The following PEAK1 variants were observed in gnomAD, a reference collection of about 807,000 sequenced individuals.
The protein encoded by PEAK1 is pseudopodium enriched atypical kinase 1, also known as inactive tyrosine-protein kinase PEAK1.
In PEAK1, 54 loss-of-function variants were observed where a neutral mutation model predicts 124.7. The observed-to-expected ratio is 0.43, with a 90% confidence interval of 0.35 to 0.54. The LOEUF is 0.54. Ranked by LOEUF, PEAK1 falls within the 20% of genes least tolerant of loss-of-function variation. PEAK1 has a pLI of 0.01. For synonymous variants in PEAK1, 719 were observed against 760.0 expected (o/e 0.95, Z 0.89); for missense variants, 2,046 against 2,134.5 (o/e 0.96, Z 0.82).
At chr15:77,411,956 A>G (rs1050037740) in intron 1 of PEAK1, among the ~76,000 whole-genome samples, 1 of 152,170 alleles carries the variant, frequency 6.6e-6, no homozygotes, top group Admixed American at 6.5e-5. Context: ...TTCTACTGCT[A>G]TTCTCTTTTT....
At chr15:77,244,420 C>G (rs1240104401) in intron 6 of PEAK1, among the ~76,000 whole-genome samples, 1 of 152,136 alleles carries the variant, frequency 6.6e-6, no homozygotes, top group Non-Finnish European at 1.5e-5. Flanking sequence ...CAGAATACTC[C>G]AGCCTTTACT....
chr15:77,232,005 A>G (rs1044250234), intron 6 of PEAK1, among the ~76,000 whole-genome samples: 1 of 152,174 alleles, frequency 6.6e-6, no homozygotes, highest in Non-Finnish European at 1.5e-5. Flanking sequence ...ACCCAAAGCA[A>G]TTGTGAAGGT....
At chr15:77,302,545 T>C (rs1039570290) in intron 2 of PEAK1, among the ~76,000 whole-genome samples, 15 of 152,204 alleles carry the variant, frequency 9.9e-5, no homozygotes, top group African/African-American at 3.6e-4. Flanking sequence ...TTGTTCCCCA[T>C]GGGACAGAAC....
intron 6 of PEAK1, among the ~76,000 whole-genome samples, chr15:77,199,453 G>A (rs557348911): frequency 1.3e-5 from 2 of 152,142 alleles, no homozygotes; most frequent in Admixed American, 1.3e-4. Flanking sequence ...TTGTGAAAGA[G>A]AGCTCTGATA....
chr15:77,342,107 C>T (rs1270065299), intron 2 of PEAK1, among the ~76,000 whole-genome samples: 3 of 150,534 alleles, frequency 2.0e-5, no homozygotes, highest in Non-Finnish European at 4.4e-5. Flanking sequence ...ACAAAACAAC[C>T]ATTTAATGAA....
chr15:77,238,383 C>T (rs886352482), intron 6 of PEAK1, among the ~76,000 whole-genome samples: 14 of 152,000 alleles, frequency 9.2e-5, no homozygotes, highest in African/African-American at 2.9e-4. Flanking sequence ...TTTTGAATTG[C>T]TAACTTCAAA....
At chr15:77,415,502 C>T (rs568000611) in intron 1 of PEAK1, among the ~76,000 whole-genome samples, 99 of 152,258 alleles carry the variant, frequency 6.5e-4, no homozygotes, top group Non-Finnish European at 7.1e-4. Flanking sequence ...TTCAAGCGAT[C>T]CTCCTGCCCC....
rs780185098 is a variant in PEAK1 at position 77,114,278 on chromosome 15, C to A, written c.5119G>T (p.Ala1707Ser). The change falls in exon 10 of 10, where the codon GCT becomes TCT. Residue 1707 changes from alanine (A) to serine (S), a missense_variant. Coordinates refer to ENST00000682557, the MANE Select transcript of PEAK1 (RefSeq NM_001385026.1). ...IKRTLLMIKF[A>S]EKSLDREGGI... ...CCTTCCCTGTCCAGGGACTTCTCAG[C>A]AAACTTGATCATGAGCAGTGTTCGC... 6.2e-7 allele frequency: 1 copy of A among 1,614,244 alleles called. No homozygotes were observed. The highest frequency in any genetic ancestry group is 8.5e-7 in the Non-Finnish European group (1 of 1,180,044).
At chr15:77,348,565 A>C (rs1215424711) in intron 2 of PEAK1, 1 of 968,108 alleles carries the variant, frequency 1.0e-6, no homozygotes, top group Non-Finnish European at 1.2e-6. Flanking sequence ...AGCTTAAGTG[A>C]CCAGCCCAGA....
At chr15:77,226,337 A>ACAGGGTTTTTTTTT (rs2059675066) in intron 6 of PEAK1, among the ~76,000 whole-genome samples, 1 of 151,608 alleles carries the variant, frequency 6.6e-6, no homozygotes, top group Non-Finnish European at 1.5e-5. Flanking sequence ...ACATATAAAG[A>ACAGGGTTTTTTTTT]TGAAGTTGCC....
chr15:77,355,525 C>T (rs1408055814), intron 2 of PEAK1, among the ~76,000 whole-genome samples: 1 of 152,142 alleles, frequency 6.6e-6, no homozygotes, highest in African/African-American at 2.4e-5. Flanking sequence ...TTTGGCCCCG[C>T]CTACTCAAAA....
rs565463816 is a variant in PEAK1, at chr15:77,408,718, C to T, written c.-666+11288G>A. 6.6e-5 allele frequency among the ~76,000 whole-genome samples: 10 copies of T among 152,198 alleles called. No individual in the cohort carries two copies. In the South Asian group the frequency reaches 8.3e-4, roughly 13 times the overall value. ...AATAAAATCTACAAATATTGTAGCACGCCTAGAAAGAAGGCAGTTTTTCAG... is the reference window on the plus strand; with the variant it reads ...AATAAAATCTACAAATATTGTAGCATGCCTAGAAAGAAGGCAGTTTTTCAG... On this transcript the variant is annotated intron_variant, in intron 1 of 9. Coordinates refer to ENST00000682557, the MANE Select transcript of PEAK1 (RefSeq NM_001385026.1).
At chr15:77,320,027 T>C (rs544007633) in intron 2 of PEAK1, among the ~76,000 whole-genome samples, 1 of 152,324 alleles carries the variant, frequency 6.6e-6, no homozygotes, top group East Asian at 1.9e-4. Context: ...AAATTTACTT[T>C]TGTTTTTCTC....
intron 2 of PEAK1, among the ~76,000 whole-genome samples, chr15:77,357,544 A>C (rs1308414850): frequency 6.6e-6 from 1 of 152,192 alleles, no homozygotes; most frequent in Admixed American, 6.5e-5. Context: ...AAAGTGCTGG[A>C]ATTACAGGCA....
At chr15:77,397,843 T>G (rs577636214) in intron 1 of PEAK1, among the ~76,000 whole-genome samples, 1 of 152,198 alleles carries the variant, frequency 6.6e-6, no homozygotes, top group African/African-American at 2.4e-5. Flanking sequence ...GCGGATCACC[T>G]GAGGTCGGGA....
At position 77,402,657 on chromosome 15, in the gene PEAK1, C is replaced by G. The variant is rs934125067; in HGVS notation, c.-666+17349G>C. 3.0e-6 allele frequency: 3 copies of G among 985,152 alleles called. No homozygotes were observed. In the African/African-American group the frequency reaches 5.2e-5, roughly 17 times the overall value. 61.0% of individuals were successfully genotyped at this position (985,152 alleles called of 1,614,324 possible). ...AAAACAGAAAACTGTGCCAACTACTCCCATAGTGTATCGTTTAGTTAATGG... is the reference window on the plus strand; with the variant it reads ...AAAACAGAAAACTGTGCCAACTACTGCCATAGTGTATCGTTTAGTTAATGG... On this transcript the variant is annotated intron_variant, in intron 1 of 9. Coordinates refer to ENST00000682557, the MANE Select transcript of PEAK1 (RefSeq NM_001385026.1).
At chr15:77,232,236 C>T (rs927156395) in intron 6 of PEAK1, among the ~76,000 whole-genome samples, 10 of 152,122 alleles carry the variant, frequency 6.6e-5, no homozygotes, top group Non-Finnish European at 1.3e-4. Context: ...CTCTCCTTCC[C>T]TGTCTTTACT....
chr15:77,194,894 G>T (rs533676878), intron 6 of PEAK1, among the ~76,000 whole-genome samples: 43 of 152,074 alleles, frequency 2.8e-4, no homozygotes, highest in African/African-American at 9.9e-4. Flanking sequence ...ATCCCTTAAG[G>T]GCATCACTAT....
At chr15:77,135,569 A>G (rs760368708) in intron 8 of PEAK1, among the ~76,000 whole-genome samples, 17 of 152,156 alleles carry the variant, frequency 1.1e-4, no homozygotes, top group Non-Finnish European at 1.9e-4. Flanking sequence ...TAATTACTTG[A>G]TATGGTTTGG....
Sources: allele counts gnomAD v4.1 joint callset (sites outside exome capture counted in the v4.1 genomes callset), GRCh38; gene constraint gnomAD v4.1.1; transcripts MANE v1.5; gene names NCBI Gene and HGNC (gene_info 2026-07-23, HGNC 2026-07-21).